The following ANKS1B variants were observed in gnomAD, a reference collection of about 807,000 sequenced individuals.
ANKS1B encodes ankyrin repeat and sterile alpha motif domain containing 1B.
ANKS1B carries 36 observed loss-of-function variants against 148.3 expected under a neutral mutation model. The observed-to-expected ratio is 0.24, with a 90% CI of 0.19 to 0.32. The LOEUF is 0.32. Among genes scored for constraint, ANKS1B ranks in the 10% least tolerant of loss-of-function variants. ANKS1B has a pLI of 1.00. For missense variants in ANKS1B, 1,157 were observed against 1,542.6 expected (o/e 0.75, Z 4.19); for synonymous variants, 542 against 560.8 (o/e 0.97, Z 0.47).
rs574399057 is a variant in ANKS1B at position 99,475,122 on chromosome 12, T to C, written c.1438+29354A>G. The stretch of plus-strand genomic sequence containing the variant: ...AGCTAGGCATGGTGGCACACACCTG[T>C]AATCCCAGCTACTTGGGAGGCTGAG... On this transcript the variant is annotated intron_variant, in intron 10 of 26. Transcript: ENST00000683438. Among the ~76,000 whole-genome samples, 23 of 151,394 alleles carry C rather than the reference T, an allele frequency of 1.5e-4. No homozygotes were observed. The South Asian group carries it at 1.9e-3, about 12-fold the overall frequency.
intron 14 of ANKS1B, among the ~76,000 whole-genome samples, chr12:99,183,503 C>T (rs771511046): frequency 2.0e-5 from 3 of 152,104 alleles, no homozygotes; most frequent in Admixed American, 6.5e-5. Flanking sequence ...ATTAGCCAGG[C>T]GTGGTGGTGG....
At chr12:99,957,405 T>C (rs1232638444) in intron 1 of ANKS1B, among the ~76,000 whole-genome samples, 1 of 152,236 alleles carries the variant, frequency 6.6e-6, no homozygotes, top group Non-Finnish European at 1.5e-5. Context: ...AGCTTACCAC[T>C]GCCTCTCCCA....
At chr12:99,061,761 C>G (rs1035091056) in intron 16 of ANKS1B, among the ~76,000 whole-genome samples, 3 of 152,088 alleles carry the variant, frequency 2.0e-5, no homozygotes, top group Admixed American at 1.3e-4. Context: ...TTAAATGAAG[C>G]CTGTACTTCC....
chr12:99,717,325 A>G (rs1320915625), intron 8 of ANKS1B, among the ~76,000 whole-genome samples: 1 of 152,224 alleles, frequency 6.6e-6, no homozygotes, highest in Non-Finnish European at 1.5e-5. Flanking sequence ...AAGTAGCAAC[A>G]TATTTCTGAG....
chr12:99,886,753 G>A (rs1305830276), intron 1 of ANKS1B, among the ~76,000 whole-genome samples: 2 of 152,148 alleles, frequency 1.3e-5, no homozygotes, highest in African/African-American at 2.4e-5. Flanking sequence ...TAACAAATTA[G>A]TTGAAGAATC....
intron 8 of ANKS1B, among the ~76,000 whole-genome samples, chr12:99,762,966 G>A (rs765713674): frequency 1.9e-4 from 29 of 151,966 alleles, no homozygotes; most frequent in Non-Finnish European, 2.5e-4. Flanking sequence ...CTGTCACAAT[G>A]ACTATTATTA....
intron 1 of ANKS1B, among the ~76,000 whole-genome samples, chr12:99,971,837 ATC>A (rs1397983534): frequency 6.6e-6 from 1 of 152,208 alleles, no homozygotes; most frequent in Non-Finnish European, 1.5e-5. Context: ...TTTGTTCCAT[ATC>A]TCTGTCACCT....
At chr12:99,913,852 A>C (rs756778109) in intron 1 of ANKS1B, among the ~76,000 whole-genome samples, 15 of 152,140 alleles carry the variant, frequency 9.9e-5, no homozygotes, top group Non-Finnish European at 2.2e-4. Context: ...ACAAGTAAAA[A>C]AAAATTTATG....
intron 4 of ANKS1B, among the ~76,000 whole-genome samples, chr12:99,798,442 A>AAC (rs2066528181): frequency 6.6e-6 from 1 of 151,434 alleles, no homozygotes; most frequent in Non-Finnish European, 1.5e-5. Flanking sequence ...AAAAAAAAAA[A>AAC]ACAAAAGATA....
chr12:99,760,508 A>AC (rs1297562675), intron 8 of ANKS1B, among the ~76,000 whole-genome samples: 7 of 151,826 alleles, frequency 4.6e-5, no homozygotes, highest in Admixed American at 3.9e-4. Flanking sequence ...ATAAACTAAA[A>AC]CAGACGTAAC....
At chr12:98,988,979 A>G (rs4636717) in intron 17 of ANKS1B, among the ~76,000 whole-genome samples, 5,403 of 152,040 alleles carry the variant, frequency 0.036, 348 homozygotes, top group African/African-American at 0.12. Context: ...CTATTGAGTT[A>G]ACTGAATTCC....
chr12:99,304,080 T>C (rs953500711), intron 12 of ANKS1B, among the ~76,000 whole-genome samples: 1 of 152,130 alleles, frequency 6.6e-6, no homozygotes, highest in Non-Finnish European at 1.5e-5. Context: ...AACATGCATG[T>C]GCAAGTGTCC....
chr12:99,925,824 T>G lies in ANKS1B; in HGVS notation c.134+58280A>C, dbSNP rs544006216. ...TAGAATTGTCATCCAATATGAACAT[T>G]TCCAATGGTAGGGCTGGCCTTAAGT... On this transcript the variant is annotated intron_variant, in intron 1 of 26. Transcript: ENST00000683438. 5.3e-5 allele frequency among the ~76,000 whole-genome samples: 8 copies of G among 152,346 alleles called. No individual in the cohort carries two copies. The South Asian group carries it at 1.7e-3, about 32-fold the overall frequency.
intron 17 of ANKS1B, among the ~76,000 whole-genome samples, chr12:98,898,584 A>C (rs118026789): frequency 6.6e-6 from 1 of 152,130 alleles, no homozygotes; most frequent in Non-Finnish European, 1.5e-5. Flanking sequence ...ATCACTTATC[A>C]TGATTCTGTG....
At chr12:99,970,088 T>C (rs2095540141) in intron 1 of ANKS1B, among the ~76,000 whole-genome samples, 1 of 152,204 alleles carries the variant, frequency 6.6e-6, no homozygotes, top group African/African-American at 2.4e-5. Flanking sequence ...CAACAGTATA[T>C]ACACCAGATT....
At chr12:99,724,226 C>T (rs1227005641) in intron 8 of ANKS1B, among the ~76,000 whole-genome samples, 1 of 152,116 alleles carries the variant, frequency 6.6e-6, no homozygotes, top group African/African-American at 2.4e-5. Context: ...GGATCATGTT[C>T]TAACCCAATG....
chr12:99,837,729 A>G (rs1402055263), intron 1 of ANKS1B, among the ~76,000 whole-genome samples: 1 of 152,124 alleles, frequency 6.6e-6, no homozygotes, highest in East Asian at 1.9e-4. Context: ...CCACTACATT[A>G]TACTTCAGTC....
At chr12:99,802,305 A>G (rs2067044415) in intron 4 of ANKS1B, among the ~76,000 whole-genome samples, 1 of 152,320 alleles carries the variant, frequency 6.6e-6, no homozygotes, top group African/African-American at 2.4e-5. Context: ...AAACTCACAC[A>G]ATGAAAGCAC....
intron 12 of ANKS1B, among the ~76,000 whole-genome samples, chr12:99,391,857 C>T (rs551672948): frequency 2.6e-4 from 39 of 152,292 alleles, no homozygotes; most frequent in African/African-American, 8.4e-4. Context: ...GGAAAAAGTA[C>T]AGGAGACACA....
Sources: gnomAD v4.1 joint callset for allele counts (sites outside exome capture counted in the v4.1 genomes callset) on GRCh38, gnomAD v4.1.1 for gene constraint, MANE v1.5 for transcripts, NCBI Gene and HGNC (gene_info 2026-07-23, HGNC 2026-07-21) for gene names.